GPC5: variants seen among roughly 807,000 people sequenced by gnomAD.
The protein encoded by GPC5 is glypican 5, also known as glypican-5.
Under a neutral mutation model 53.9 loss-of-function variants are expected in GPC5, and 47 were observed. The observed-to-expected ratio is 0.87, with a 90% CI of 0.69 to 1.11. The LOEUF (loss-of-function observed/expected upper bound fraction) is 1.11, where lower values mean the gene tolerates loss of function less well. Ranked by LOEUF, GPC5 falls within the 50% of genes most tolerant of loss-of-function variation. GPC5 has a pLI of 0.00. For synonymous variants in GPC5, 286 were observed against 263.3 expected (o/e 1.09, Z -0.84); for missense variants, 748 against 713.1 (o/e 1.05, Z -0.56).
chr13:91,511,001 G>T (rs1294603239), intron 2 of GPC5, among the ~76,000 whole-genome samples: 1 of 151,776 alleles, frequency 6.6e-6, no homozygotes, highest in Non-Finnish European at 1.5e-5. Flanking sequence ...ACATGGAAAG[G>T]TTTTGCCACC....
chr13:92,786,921 C>A (rs1451456041), intron 7 of GPC5, among the ~76,000 whole-genome samples: 2 of 152,146 alleles, frequency 1.3e-5, no homozygotes, highest in African/African-American at 4.8e-5. Flanking sequence ...TCCAGGCTCC[C>A]CTGGAAGGAG....
intron 3 of GPC5, among the ~76,000 whole-genome samples, chr13:91,695,058 C>G (rs1228291965): frequency 1.3e-5 from 2 of 152,172 alleles, no homozygotes; most frequent in African/African-American, 2.4e-5. Flanking sequence ...TGGTTCCTTT[C>G]TGCAAATTAG....
intron 2 of GPC5, among the ~76,000 whole-genome samples, chr13:91,606,998 C>G (rs1476277145): frequency 6.6e-6 from 1 of 151,636 alleles, no homozygotes; most frequent in East Asian, 1.9e-4. Context: ...CTTCTGCTAG[C>G]TTTTGAATGT....
intron 5 of GPC5, among the ~76,000 whole-genome samples, chr13:91,808,697 T>C (rs892298339): frequency 7.2e-5 from 11 of 152,266 alleles, no homozygotes; most frequent in Admixed American, 2.0e-4. Flanking sequence ...TTCTGTAGTC[T>C]CCAGACCTAA....
chr13:92,512,471 TAA>T (rs1199382722), intron 7 of GPC5, among the ~76,000 whole-genome samples: 1 of 152,100 alleles, frequency 6.6e-6, no homozygotes, highest in Non-Finnish European at 1.5e-5. Context: ...ATCTTACAAT[TAA>T]GACAATAAAA....
At chr13:92,591,007 A>C (rs937877697) in intron 7 of GPC5, among the ~76,000 whole-genome samples, 2 of 152,198 alleles carry the variant, frequency 1.3e-5, no homozygotes, top group African/African-American at 4.8e-5. Context: ...GCAGGACCCC[A>C]TAAGACAACT....
intron 7 of GPC5, among the ~76,000 whole-genome samples, chr13:92,662,526 C>A (rs1886384426): frequency 6.6e-6 from 1 of 152,030 alleles, no homozygotes; most frequent in African/African-American, 2.4e-5. Context: ...TTAAGCAACC[C>A]CAAGTTGCAT....
At chr13:91,927,818 T>C (rs1594668991) in intron 6 of GPC5, among the ~76,000 whole-genome samples, 1 of 152,324 alleles carries the variant, frequency 6.6e-6, no homozygotes. Context: ...TCCCAAGCCA[T>C]GAATTTTATC....
intron 5 of GPC5, among the ~76,000 whole-genome samples, chr13:91,808,729 A>T (rs1311036007): frequency 1.3e-5 from 2 of 152,176 alleles, no homozygotes; most frequent in East Asian, 3.9e-4. Flanking sequence ...TGATACCTTC[A>T]AACTACTGCT....
intron 2 of GPC5, among the ~76,000 whole-genome samples, chr13:91,453,009 C>T (rs1020200115): frequency 1.3e-5 from 2 of 150,194 alleles, no homozygotes; most frequent in Admixed American, 6.7e-5. Flanking sequence ...ATATATATAA[C>T]TGGAAATGCA....
At chr13:92,396,357 C>A (rs966487112) in intron 7 of GPC5, among the ~76,000 whole-genome samples, 3 of 152,100 alleles carry the variant, frequency 2.0e-5, no homozygotes, top group Admixed American at 2.0e-4. Flanking sequence ...TCTTTTCTTA[C>A]ATTACTCATA....
intron 1 of GPC5, among the ~76,000 whole-genome samples, chr13:91,410,579 C>G (rs1016287559): frequency 2.0e-5 from 3 of 151,628 alleles, no homozygotes; most frequent in Non-Finnish European, 2.9e-5. Flanking sequence ...ATCTCCTGAC[C>G]TCGTGATCCG....
At chr13:91,928,751 G>C (rs552413303) in intron 6 of GPC5, among the ~76,000 whole-genome samples, 2 of 152,172 alleles carry the variant, frequency 1.3e-5, no homozygotes, top group Admixed American at 6.5e-5. Flanking sequence ...CCTGTATTAA[G>C]ACAGAATTCA....
intron 2 of GPC5, among the ~76,000 whole-genome samples, chr13:91,500,227 C>A (rs937343712): frequency 3.3e-5 from 5 of 152,204 alleles, no homozygotes; most frequent in Non-Finnish European, 1.5e-5. Flanking sequence ...GACTTTTCTT[C>A]ACTACCATGT....
chr13:92,323,433 A>G (rs2043229337), intron 7 of GPC5, among the ~76,000 whole-genome samples: 3 of 151,332 alleles, frequency 2.0e-5, no homozygotes, highest in South Asian at 4.2e-4. Context: ...GGGAAAAAAT[A>G]CCTATTAACT....
intron 7 of GPC5, among the ~76,000 whole-genome samples, chr13:92,538,189 T>C (rs890116463): frequency 3.3e-5 from 5 of 152,024 alleles, no homozygotes; most frequent in Admixed American, 6.6e-5. Context: ...ATTTTGCGTA[T>C]GTAAAAATGG....
At chr13:91,738,627 ATATT>A (rs1326886474) in intron 4 of GPC5, among the ~76,000 whole-genome samples, 3 of 151,084 alleles carry the variant, frequency 2.0e-5, no homozygotes, top group African/African-American at 4.9e-5. Flanking sequence ...AGTTTAACAA[ATATT>A]TATTATTTTT....
chr13:92,304,422 T>C (rs2043096969), intron 7 of GPC5, among the ~76,000 whole-genome samples: 1 of 152,046 alleles, frequency 6.6e-6, no homozygotes, highest in South Asian at 2.1e-4. Context: ...GCCTGGATGG[T>C]CTCGATCTCC....
chr13:92,229,947 TTTAA>T (rs2042518038), intron 7 of GPC5, among the ~76,000 whole-genome samples: 1 of 152,146 alleles, frequency 6.6e-6, no homozygotes, highest in Non-Finnish European at 1.5e-5. Flanking sequence ...TAAGATGGAA[TTTAA>T]TTATTAAAAT....
Sources: gnomAD v4.1 joint callset for allele counts (sites outside exome capture counted in the v4.1 genomes callset) on GRCh38, gnomAD v4.1.1 for gene constraint, MANE v1.5 for transcripts, NCBI Gene and HGNC (gene_info 2026-07-23, HGNC 2026-07-21) for gene names.